Variants in CNTN4 observed in about 807,000 individuals in gnomAD.
CNTN4 encodes the protein contactin 4.
CNTN4 carries 77 observed loss-of-function variants against 122.5 expected under a neutral mutation model. The observed-to-expected ratio is 0.63, with a 90% confidence interval of 0.52 to 0.76. CNTN4 has a LOEUF of 0.76. Ranked by LOEUF, CNTN4 falls within the 30% of genes least tolerant of loss-of-function variation. The pLI is 0.00. For synonymous variants in CNTN4, 512 were observed against 447.0 expected (o/e 1.15, Z -1.83); for missense variants, 1,256 against 1,259.1 (o/e 1.00, Z 0.04).
At chr3:2,895,772 C>A (rs540025433) in intron 10 of CNTN4, among the ~76,000 whole-genome samples, 6 of 152,202 alleles carry the variant, frequency 3.9e-5, no homozygotes, top group Non-Finnish European at 7.3e-5. Flanking sequence ...CAGTGGCTCA[C>A]GCCTGTCATC....
intron 3 of CNTN4, among the ~76,000 whole-genome samples, chr3:2,379,302 G>C (rs556037241): frequency 6.7e-6 from 1 of 150,318 alleles, no homozygotes; most frequent in Non-Finnish European, 1.5e-5. Context: ...TTACCCTGCA[G>C]ATGGTTACCA....
intron 13 of CNTN4, among the ~76,000 whole-genome samples, chr3:2,932,295 G>A (rs189549329): frequency 0.017 from 2,592 of 152,200 alleles, 69 homozygotes; most frequent in African/African-American, 0.059. Context: ...GGAGAATGGC[G>A]TGAACCCAGA....
At position 2,124,462 on chromosome 3, in the gene CNTN4, AC is replaced by A. The variant is rs1559265631; in HGVS notation, c.-145+23824del. Among the ~76,000 whole-genome samples, 9 of 149,018 alleles carry A rather than the reference AC, an allele frequency of 6.0e-5. 1 individual carries two copies. The highest frequency in any genetic ancestry group is 6.9e-3 in the Middle Eastern group (2 of 290). On this transcript the variant is annotated intron_variant, in intron 2 of 24. Coordinates refer to ENST00000418658, the MANE Select transcript of CNTN4 (RefSeq NM_175607.3). ...CACACACACACACACACACACACAC[AC>A]ACACACACACCCCCTTAAGCAAGGT...
chr3:2,688,850 G>A (rs1296239046), intron 4 of CNTN4, among the ~76,000 whole-genome samples: 1 of 152,140 alleles, frequency 6.6e-6, no homozygotes, highest in Non-Finnish European at 1.5e-5. Context: ...CTGTGGCCCA[G>A]TCACTAGTGA....
chr3:2,791,145 T>C (rs1457916201), intron 6 of CNTN4, among the ~76,000 whole-genome samples: 1 of 152,218 alleles, frequency 6.6e-6, no homozygotes, highest in Non-Finnish European at 1.5e-5. Context: ...ATGAGTTTTA[T>C]CATGTAACTC....
chr3:2,306,150 G>A (rs1430419065), intron 2 of CNTN4, among the ~76,000 whole-genome samples: 2 of 152,168 alleles, frequency 1.3e-5, no homozygotes, highest in Non-Finnish European at 2.9e-5. Flanking sequence ...TGTCCTAGGA[G>A]TGGAATTGCT....
chr3:2,126,481 A>G (rs2034176968), intron 2 of CNTN4, among the ~76,000 whole-genome samples: 1 of 152,212 alleles, frequency 6.6e-6, no homozygotes, highest in Non-Finnish European at 1.5e-5. Context: ...TTTATGCCAT[A>G]TAATTAAGAA....
intron 3 of CNTN4, among the ~76,000 whole-genome samples, chr3:2,481,043 T>TTCTTTCTTTCTC (rs1559592680): frequency 7.1e-6 from 1 of 141,646 alleles, no homozygotes; most frequent in African/African-American, 2.8e-5. Context: ...TTTTCTTTCT[T>TTCTTTCTTTCTC]TCTTTCTTTC....
chr3:2,402,073 G>T (rs975950952), intron 3 of CNTN4, among the ~76,000 whole-genome samples: 55 of 152,128 alleles, frequency 3.6e-4, no homozygotes, highest in Non-Finnish European at 1.2e-4. Context: ...TACTTGAGTA[G>T]ATCAAACGGG....
chr3:2,428,523 A>G (rs541599070), intron 3 of CNTN4, among the ~76,000 whole-genome samples: 60 of 152,124 alleles, frequency 3.9e-4, no homozygotes, highest in African/African-American at 8.7e-4. Context: ...CTTCATTTCA[A>G]CTTTGGTGAA....
intron 6 of CNTN4, among the ~76,000 whole-genome samples, chr3:2,781,879 A>T (rs35914222): frequency 2.5e-4 from 29 of 117,224 alleles, no homozygotes; most frequent in East Asian, 7.4e-4. Flanking sequence ...CGCCCGCACC[A>T]CGCCCGGCTA....
At chr3:2,906,145 G>C (rs760875850) in intron 12 of CNTN4, among the ~76,000 whole-genome samples, 1 of 152,020 alleles carries the variant, frequency 6.6e-6, no homozygotes, top group Admixed American at 6.5e-5. Flanking sequence ...TTATCTCAAA[G>C]AAATAGAGTA....
In CNTN4 at chr3:3,057,092, A is replaced by G. The variant is rs185286558; in HGVS notation, c.*872A>G. ...TACTATAGTCAACCAAGTCTTTCAA[A>G]GGATAAAAGATCATTTTATTATCTT... is the stretch of plus-strand genomic sequence containing the variant. On this transcript the variant is annotated 3_prime_UTR_variant, in exon 25 of 25. Coordinates refer to ENST00000418658, the MANE Select transcript of CNTN4 (RefSeq NM_175607.3). The G allele has an allele frequency of 3.3e-5, 5 of 152,802 alleles. No individual in the cohort carries two copies. The East Asian group carries it at 9.6e-4, about 29-fold the overall frequency. 9.5% of individuals were successfully genotyped at this position (152,802 alleles called of 1,614,324 possible).
intron 4 of CNTN4, among the ~76,000 whole-genome samples, chr3:2,708,336 A>G (rs1480293983): frequency 6.6e-6 from 1 of 152,216 alleles, no homozygotes; most frequent in Non-Finnish European, 1.5e-5. Context: ...AAAAGTAATC[A>G]TTTACATCCA....
chr3:2,978,718 G>T (rs1050680389), intron 13 of CNTN4, among the ~76,000 whole-genome samples: 1 of 152,080 alleles, frequency 6.6e-6, no homozygotes, highest in Non-Finnish European at 1.5e-5. Context: ...ACCTTTGGTT[G>T]GGGGATGCCT....
At chr3:2,509,265 A>G (rs1005407238) in intron 3 of CNTN4, among the ~76,000 whole-genome samples, 5 of 152,194 alleles carry the variant, frequency 3.3e-5, no homozygotes, top group African/African-American at 2.4e-5. Flanking sequence ...CGTGGAGTAG[A>G]TCTGCTAAAG....
intron 4 of CNTN4, among the ~76,000 whole-genome samples, chr3:2,650,080 T>A (rs2083296203): frequency 6.8e-6 from 1 of 147,314 alleles, no homozygotes; most frequent in Admixed American, 6.8e-5. Context: ...TTTATAAATA[T>A]ATATATATAT....
chr3:2,891,571 G>A (rs1222854114), intron 10 of CNTN4, among the ~76,000 whole-genome samples: 1 of 152,198 alleles, frequency 6.6e-6, no homozygotes, highest in Non-Finnish European at 1.5e-5. Flanking sequence ...AAAACCTAAA[G>A]GATGAAAATG....
intron 7 of CNTN4, among the ~76,000 whole-genome samples, chr3:2,835,096 G>A (rs773456959): frequency 6.6e-6 from 1 of 151,048 alleles, no homozygotes; most frequent in Non-Finnish European, 1.5e-5. Context: ...TAGTAGAGGC[G>A]GGGTTTCACC....
Sources: gnomAD v4.1 joint callset for allele counts (sites outside exome capture counted in the v4.1 genomes callset) on GRCh38, gnomAD v4.1.1 for gene constraint, MANE v1.5 for transcripts, NCBI Gene and HGNC (gene_info 2026-07-23, HGNC 2026-07-21) for gene names.